The following AFF3 variants were observed in gnomAD, a reference collection of about 807,000 sequenced individuals.
AFF3 encodes ALF transcription elongation factor 3.
A neutral mutation model predicts 129.7 loss-of-function variants in AFF3; 32 were observed. The observed-to-expected ratio is 0.25, with a 90% CI of 0.19 to 0.33. The LOEUF (loss-of-function observed/expected upper bound fraction) is 0.33, where lower values mean the gene tolerates loss of function less well. Ranked by LOEUF, AFF3 falls within the 10% of genes least tolerant of loss-of-function variation. The pLI, the probability that AFF3 is intolerant of heterozygous loss-of-function variation, is 1.00. For synonymous variants in AFF3, 644 were observed against 635.4 expected, an observed-to-expected ratio of 1.01 and a Z score of -0.20; for missense variants, 1,373 against 1,592.0, an observed-to-expected ratio of 0.86 and a Z score of 2.34.
intron 7 of AFF3, among the ~76,000 whole-genome samples, chr2:99,859,344 C>G (rs935398513): frequency 1.6e-4 from 25 of 152,304 alleles, no homozygotes; most frequent in Middle Eastern, 6.8e-3. Context: ...CTGGGAACCA[C>G]CGGCGGCACA....
chr2:99,928,855 G>A (rs1576367893), intron 7 of AFF3, among the ~76,000 whole-genome samples: 1 of 152,044 alleles, frequency 6.6e-6, no homozygotes, highest in East Asian at 1.9e-4. Flanking sequence ...TCCAGGGTGA[G>A]CTCAGACCCA....
intron 18 of AFF3, among the ~76,000 whole-genome samples, chr2:99,577,024 C>A (rs1178746035): frequency 6.6e-6 from 1 of 151,960 alleles, no homozygotes; most frequent in Non-Finnish European, 1.5e-5. Context: ...GACGCAGCTG[C>A]CACCACAGGA....
chr2:99,875,182 C>T (rs1416424657), intron 7 of AFF3, among the ~76,000 whole-genome samples: 2 of 152,142 alleles, frequency 1.3e-5, no homozygotes, highest in African/African-American at 4.8e-5. Flanking sequence ...ATCTCCTTGT[C>T]CAGCTCAGAG....
intron 7 of AFF3, among the ~76,000 whole-genome samples, chr2:99,990,567 T>C (rs1212809591): frequency 1.3e-5 from 2 of 152,174 alleles, no homozygotes. Flanking sequence ...CTGCAAGGAT[T>C]GGGAGCTTGT....
chr2:99,796,766 T>C (rs111578690), intron 8 of AFF3, among the ~76,000 whole-genome samples: 3 of 152,220 alleles, frequency 2.0e-5, no homozygotes, highest in East Asian at 1.9e-4. Flanking sequence ...AAGAATCATC[T>C]GAAAGGATTA....
intron 12 of AFF3, among the ~76,000 whole-genome samples, chr2:99,653,148 G>A (rs773683660): frequency 1.3e-5 from 2 of 152,204 alleles, no homozygotes; most frequent in Non-Finnish European, 2.9e-5. Flanking sequence ...GCTTTAGGCC[G>A]CGATACTTGA....
intron 4 of AFF3, among the ~76,000 whole-genome samples, chr2:100,091,418 A>G (rs1689847987): frequency 6.8e-6 from 1 of 147,302 alleles, no homozygotes; most frequent in Non-Finnish European, 1.5e-5. Context: ...AAAACAGCCC[A>G]CAATTAGACA....
chr2:99,727,813 C>T (rs148981127), intron 10 of AFF3, among the ~76,000 whole-genome samples: 9,279 of 152,114 alleles, frequency 0.061, 959 homozygotes, highest in African/African-American at 0.21. Flanking sequence ...CTGCCCGCCT[C>T]GGCCTCTCAA....
intron 7 of AFF3, among the ~76,000 whole-genome samples, chr2:99,846,346 T>A (rs910879154): frequency 2.6e-5 from 4 of 151,986 alleles, no homozygotes; most frequent in Admixed American, 1.3e-4. Flanking sequence ...GCCAGGTTGG[T>A]CTCGAACTCC....
intron 2 of AFF3, chr2:100,110,012 C>T (rs1265396524): frequency 6.6e-6 from 1 of 152,258 alleles, no homozygotes; most frequent in Non-Finnish European, 1.5e-5. Flanking sequence ...TGCAATTCTC[C>T]TGCCACCCAG....
At chr2:100,011,646 G>A in intron 4 of AFF3, 1 of 768,852 alleles carries the variant, frequency 1.3e-6, no homozygotes. Context: ...TAGCGTGCAT[G>A]AGTCTGTCAG....
intron 4 of AFF3, among the ~76,000 whole-genome samples, chr2:100,059,255 A>C (rs13384318): frequency 1.7e-4 from 10 of 60,396 alleles, no homozygotes; most frequent in African/African-American, 7.1e-4. Context: ...CTCTGTCTCC[A>C]AAAAAAAAAA....
intron 16 of AFF3, among the ~76,000 whole-genome samples, chr2:99,583,515 A>AG (rs36054342): frequency 2.6e-5 from 4 of 151,550 alleles, no homozygotes; most frequent in Non-Finnish European, 5.9e-5. Flanking sequence ...CCTGAGTAGC[A>AG]GGGACTACAG....
At chr2:99,808,620 A>G (rs1183031200) in intron 8 of AFF3, among the ~76,000 whole-genome samples, 1 of 152,250 alleles carries the variant, frequency 6.6e-6, no homozygotes, top group Non-Finnish European at 1.5e-5. Context: ...CAGAATCAAT[A>G]ACAAGGCTTA....
At chr2:99,649,737 T>C in intron 12 of AFF3, 71 bp from the exon 13 acceptor site, 1 of 1,552,740 alleles carries the variant, frequency 6.4e-7, no homozygotes, top group Non-Finnish European at 8.8e-7. Flanking sequence ...AATGAACACT[T>C]AAAAAAAAGA....
intron 7 of AFF3, among the ~76,000 whole-genome samples, chr2:99,894,224 A>G (rs1043991251): frequency 2.0e-5 from 3 of 152,030 alleles, no homozygotes; most frequent in Non-Finnish European, 1.5e-5. Context: ...AAAAAAAAAA[A>G]AGGAGGGAAA....
At chr2:100,021,850 G>A (rs1003020614) in intron 4 of AFF3, among the ~76,000 whole-genome samples, 3 of 152,138 alleles carry the variant, frequency 2.0e-5, no homozygotes, top group African/African-American at 7.2e-5. Flanking sequence ...GGAAACTGTG[G>A]ATATTAAAAA....
intron 8 of AFF3, among the ~76,000 whole-genome samples, chr2:99,780,702 T>A (rs771861153): frequency 2.6e-5 from 4 of 152,182 alleles, no homozygotes; most frequent in Non-Finnish European, 5.9e-5. Context: ...CATTCTTCCA[T>A]TTGTTCAGAT....
At chr2:99,919,131 C>T (rs1389528231) in intron 7 of AFF3, among the ~76,000 whole-genome samples, 1 of 152,168 alleles carries the variant, frequency 6.6e-6, no homozygotes, top group East Asian at 1.9e-4. Context: ...TCTCCCTCCA[C>T]TGCAACGTTT....
Sources: gnomAD v4.1 joint callset for allele counts (sites outside exome capture counted in the v4.1 genomes callset) on GRCh38, gnomAD v4.1.1 for gene constraint, MANE v1.5 for transcripts, NCBI Gene and HGNC (gene_info 2026-07-23, HGNC 2026-07-21) for gene names.